The following SPNS3 variants were observed in gnomAD, a reference collection of about 807,000 sequenced individuals.
The protein encoded by SPNS3 is SPNS lysolipid transporter 3, sphingosine-1-phosphate (putative), also known as protein spinster homolog 3.
A neutral mutation model predicts 54.4 loss-of-function variants in SPNS3; 51 were observed. That is an observed-to-expected ratio of 0.94 (90% CI 0.75 to 1.18). SPNS3 has a LOEUF of 1.18. SPNS3 is among the 50% of genes most tolerant of loss of function. The probability of loss-of-function intolerance (pLI) is 0.00; values close to 1 mark genes in which losing one functional copy is unlikely to be tolerated. For synonymous variants in SPNS3, 309 were observed against 294.7 expected, an observed-to-expected ratio of 1.05 and a Z score of -0.50; for missense variants, 669 against 677.4, an observed-to-expected ratio of 0.99 and a Z score of 0.14.
At position 4,438,475 on chromosome 17, in the gene SPNS3, T is replaced by C. The variant is rs75042323; in HGVS notation, c.200-1183T>C. ...TAATAATGACAGGGCCAGAGCCGCA[T>C]GGCTCACGTGAGCAGGTGCTGCAGA... On this transcript the variant is annotated intron_variant, in intron 1 of 11. Coordinates refer to ENST00000355530, the MANE Select transcript of SPNS3 (RefSeq NM_182538.5). 5.3e-4 allele frequency among the ~76,000 whole-genome samples: 81 copies of C among 152,328 alleles called. 1 individual carries two copies. The East Asian group carries it at 0.012, about 22-fold the overall frequency.
intron 6 of SPNS3, 132 bp from the exon 7 acceptor site, chr17:4,449,103 C>T (rs1971084247): frequency 2.8e-6 from 3 of 1,060,054 alleles, no homozygotes; most frequent in South Asian, 1.6e-5. Flanking sequence ...GTAGCAAATG[C>T]TACCTATGGA....
At position 4,446,832 on chromosome 17, in the gene SPNS3, G is replaced by C. The variant is rs562384801; in HGVS notation, c.555-64G>C. On this transcript the variant is annotated intron_variant, in intron 4 of 11. Coordinates refer to ENST00000355530, the MANE Select transcript of SPNS3 (RefSeq NM_182538.5). ...GGGGGGGGCACCCTGGGTCAGGCTGGTGGTGGGGTCTGCCTTCCGCCTCCC... is the reference window on the plus strand; with the variant it reads ...GGGGGGGGCACCCTGGGTCAGGCTGCTGGTGGGGTCTGCCTTCCGCCTCCC... 7 of 1,503,796 alleles carry C rather than the reference G, an allele frequency of 4.7e-6. No individual in the cohort carries two copies. In the East Asian group the frequency reaches 1.3e-4, roughly 29 times the overall value. The allele number at this position is 1,503,796 out of a possible 1,614,324, so 93.2% of individuals were successfully genotyped here.
chr17:4,477,754 G>A (rs1972041925), intron 8 of SPNS3, among the ~76,000 whole-genome samples: 1 of 152,132 alleles, frequency 6.6e-6, no homozygotes, highest in Non-Finnish European at 1.5e-5. Flanking sequence ...CATGATGGGT[G>A]TACCAGGCCT....
chr17:4,463,623 C>T (rs1971599319), intron 8 of SPNS3, among the ~76,000 whole-genome samples: 1 of 151,150 alleles, frequency 6.6e-6, no homozygotes, highest in South Asian at 2.1e-4. Context: ...CCTTTAATCC[C>T]AGCTACTTTG....
intron 8 of SPNS3, among the ~76,000 whole-genome samples, chr17:4,465,459 G>C (rs1056183940): frequency 6.6e-6 from 1 of 152,124 alleles, no homozygotes; most frequent in Non-Finnish European, 1.5e-5. Flanking sequence ...CATGCGCAGT[G>C]GCTCATGCTT....
intron 8 of SPNS3, among the ~76,000 whole-genome samples, chr17:4,473,391 G>GTC: frequency 7.3e-6 from 1 of 136,794 alleles, no homozygotes; most frequent in South Asian, 2.4e-4. Flanking sequence ...GCTCTTCCCA[G>GTC]TCTTTTTTTT....
chr17:4,482,094 G>C (rs1334923649), intron 9 of SPNS3: 2 of 152,260 alleles, frequency 1.3e-5, no homozygotes, highest in African/African-American at 4.8e-5. Context: ...CACCATGTTG[G>C]CCAGGATGGT....
chr17:4,440,859 C>T (rs1281342595), intron 2 of SPNS3, among the ~76,000 whole-genome samples: 3 of 152,296 alleles, frequency 2.0e-5, no homozygotes, highest in Admixed American at 6.5e-5. Flanking sequence ...TAGCTGTTCC[C>T]GTGTGCAGTG....
intron 8 of SPNS3, among the ~76,000 whole-genome samples, chr17:4,458,347 C>T (rs1452276206): frequency 6.7e-6 from 1 of 148,272 alleles, no homozygotes; most frequent in Admixed American, 6.8e-5. Context: ...CTCCCTCTCT[C>T]CCTTCCTCTC....
chr17:4,447,899 T>C (rs1971040071), intron 5 of SPNS3, among the ~76,000 whole-genome samples: 1 of 152,122 alleles, frequency 6.6e-6, no homozygotes, highest in Non-Finnish European at 1.5e-5. Flanking sequence ...CTGGTGTCTG[T>C]ACTGGAAAGA....
intron 2 of SPNS3, 50 bp from the exon 3 acceptor site, chr17:4,444,982 C>A: frequency 6.3e-7 from 1 of 1,576,578 alleles, no homozygotes; most frequent in Non-Finnish European, 8.6e-7. Flanking sequence ...GGCCATCTGC[C>A]CTGCCACGGT....
rs1970978384 is a variant in SPNS3 at position 4,446,081 on chromosome 17, G to A, written c.436G>A (p.Val146Met). Residue 146 changes from valine (V) to methionine (M), a missense_variant, in exon 4 of 12, where the codon GTG (valine) becomes ATG (methionine). Val to Met is a conservative substitution (Grantham distance 21, BLOSUM62 1). Coordinates refer to ENST00000355530, the MANE Select transcript of SPNS3 (RefSeq NM_182538.5). ...GCTCTTCTTCCTGTCCCGGGGCATC[G>A]TGGGCACTGGCTCGGCCAGCTACTC... is the stretch of plus-strand genomic sequence containing the variant. Reference protein sequence around the residue: ...SWLFFLSRGIVGTGSASYSTI... With the variant: ...SWLFFLSRGIMGTGSASYSTI... 25 of 1,611,970 alleles carry A rather than the reference G, an allele frequency of 1.6e-5. No homozygotes were observed. Among genetic ancestry groups the A allele is most frequent in the Non-Finnish European group, 2.1e-5 (25 of 1,178,546 alleles).
In SPNS3 at chr17:4,446,131, C is replaced by A. The variant is rs149158228; in HGVS notation, c.486C>A (p.Gly162=). The A allele has an allele frequency of 1.9e-6, 3 of 1,613,604 alleles. No homozygotes were observed. In the African/African-American group the frequency reaches 4.0e-5, roughly 22 times the overall value. ...CCACCATCGCGCCCACCGTCCTGGGCGACCTCTTCGTGAGGGACCAGCGCA... is the reference window on the plus strand; with the variant it reads ...CCACCATCGCGCCCACCGTCCTGGGAGACCTCTTCGTGAGGGACCAGCGCA... ...SYSTIAPTVL[G]DLFVRDQRTR... is the part of the protein sequence containing the mutation. Residue 162 remains glycine (G), a synonymous_variant, in exon 4 of 12, where the codon GGC becomes GGA. Coordinates refer to ENST00000355530, the MANE Select transcript of SPNS3 (RefSeq NM_182538.5).
At chr17:4,450,233 C>T (rs1188460141) in intron 7 of SPNS3, among the ~76,000 whole-genome samples, 2 of 151,522 alleles carry the variant, frequency 1.3e-5, no homozygotes, top group East Asian at 3.9e-4. Flanking sequence ...CCCACGCCTA[C>T]CTTCTCCTTC....
At chr17:4,470,931 C>CT (rs947270319) in intron 8 of SPNS3, among the ~76,000 whole-genome samples, 5 of 151,572 alleles carry the variant, frequency 3.3e-5, no homozygotes, top group African/African-American at 4.8e-5. Context: ...TGTTCTTTTT[C>CT]TTTTTTTTGT....
intron 7 of SPNS3, among the ~76,000 whole-genome samples, chr17:4,452,023 C>T (rs184740469): frequency 3.2e-4 from 49 of 152,088 alleles, no homozygotes; most frequent in Middle Eastern, 3.4e-3. Flanking sequence ...GCACAATGGA[C>T]CAGGAGGGTG....
At chr17:4,485,940 G>A (rs1349482133) in intron 9 of SPNS3, among the ~76,000 whole-genome samples, 2 of 152,250 alleles carry the variant, frequency 1.3e-5, no homozygotes, top group Admixed American at 6.5e-5. Flanking sequence ...ATTCACTGTG[G>A]TCACATGCAT....
intron 7 of SPNS3, among the ~76,000 whole-genome samples, chr17:4,450,484 G>C (rs1971133976): frequency 6.6e-6 from 1 of 151,278 alleles, no homozygotes; most frequent in Admixed American, 6.6e-5. Flanking sequence ...TACAAACACA[G>C]TTCGCTGCAG....
chr17:4,487,209 G>T (rs1054941673), intron 11 of SPNS3, among the ~76,000 whole-genome samples: 2 of 151,316 alleles, frequency 1.3e-5, no homozygotes, highest in African/African-American at 4.9e-5. Flanking sequence ...GTAGGTGCAG[G>T]CTGCAAGGAT....
Sources: allele counts gnomAD v4.1 joint callset (sites outside exome capture counted in the v4.1 genomes callset), GRCh38; gene constraint gnomAD v4.1.1; transcripts MANE v1.5; gene names NCBI Gene and HGNC (gene_info 2026-07-23, HGNC 2026-07-21).